The following JPH2 variants were observed in gnomAD, a reference collection of about 807,000 sequenced individuals.
The protein encoded by JPH2 is junctophilin 2.
JPH2 carries 38 observed loss-of-function variants against 55.9 expected under a neutral mutation model. That is an observed-to-expected ratio of 0.68 (90% CI 0.52 to 0.89). JPH2 has a LOEUF of 0.89. Ranked by LOEUF, JPH2 falls within the 40% of genes least tolerant of loss-of-function variation. The probability of loss-of-function intolerance (pLI) is 0.00; values close to 1 mark genes in which losing one functional copy is unlikely to be tolerated. For synonymous variants in JPH2, 480 were observed against 472.4 expected (o/e 1.02, Z -0.21); for missense variants, 964 against 1,037.6 (o/e 0.93, Z 0.97).
chr20:44,160,418 G>T lies in JPH2; in HGVS notation c.380-11C>A. The T allele has an allele frequency of 6.2e-7, 1 of 1,607,994 alleles. No homozygotes were observed. ...GGCCTTGGTACGTCCCTGCGGGCGAGGAGAGGGCGCGTCAGTAGGCGGCAC... is the reference window on the plus strand; with the variant it reads ...GGCCTTGGTACGTCCCTGCGGGCGATGAGAGGGCGCGTCAGTAGGCGGCAC... On this transcript the variant is annotated splice_polypyrimidine_tract_variant and intron_variant, in intron 1 of 5. Coordinates refer to ENST00000372980, the MANE Select transcript of JPH2 (RefSeq NM_020433.5). The surrounding 1 kb of genome is among the most constrained non-coding windows in gnomAD (Gnocchi z 4.9).
chr20:44,110,788 T>C lies in JPH2; in HGVS notation c.*2730A>G, dbSNP rs2072136443. ...ATTTGAGCCTCACAACTGCATTGCC[T>C]ATGAGGAAGACCATGGGGCAGGGAT... On this transcript the variant is annotated 3_prime_UTR_variant, in exon 6 of 6. Transcript: ENST00000372980. Among the ~76,000 whole-genome samples the C allele has an allele frequency of 6.6e-6, 1 of 152,098 alleles. No individual in the cohort carries two copies. The highest frequency in any genetic ancestry group is 2.1e-4 in the South Asian group (1 of 4,826).
Position 44,109,221 on chromosome 20 carries a change from C to T in JPH2, c.*4297G>A, listed in dbSNP as rs572438582. ...ATACCTTGAACCAATCACTCCATCT[C>T]CCCAAGGCTCAATTTTCCTCATCTG... On this transcript the variant is annotated 3_prime_UTR_variant, in exon 6 of 6. Transcript: ENST00000372980. Among the ~76,000 whole-genome samples, 2 of 152,322 alleles carry T rather than the reference C, an allele frequency of 1.3e-5. No homozygotes were observed. The highest frequency in any genetic ancestry group is 6.5e-5 in the Admixed American group (1 of 15,300).
chr20:44,125,781 A>T (rs2072270963), intron 2 of JPH2, among the ~76,000 whole-genome samples: 2 of 152,092 alleles, frequency 1.3e-5, no homozygotes, highest in Admixed American at 1.3e-4. Context: ...CATCACCTTA[A>T]GCCCAGTCTC....
intron 1 of JPH2, among the ~76,000 whole-genome samples, chr20:44,169,216 G>T (rs1000317475): frequency 2.1e-5 from 3 of 143,436 alleles, no homozygotes; most frequent in South Asian, 4.4e-4. Flanking sequence ...TTTCTCTGTT[G>T]CCCAGGCTGG....
rs908217758 is a variant in JPH2, at chr20:44,116,072, G to A, written c.1603C>T (p.Pro535Ser). Residue 535 changes from proline (P) to serine (S), a missense_variant, in exon 4 of 6, where the codon CCC (proline) becomes TCC (serine). Physicochemically the swap from Pro to Ser is moderately conservative, Grantham distance 74 (BLOSUM62 -1). Transcript: ENST00000372980. ...ATGCGCTCGGTGGCTGGACGCGCGG[G>A]GCTGCGGCGGCCCGCGCCCTCGGAC... ...TPSEGAGRRS[P>S]ARPATERMAI... 1 of 1,535,752 alleles carries A rather than the reference G, an allele frequency of 6.5e-7. No individual in the cohort carries two copies. Among genetic ancestry groups the A allele is most frequent in the Non-Finnish European group, 8.7e-7 (1 of 1,152,150 alleles).
intron 2 of JPH2, among the ~76,000 whole-genome samples, chr20:44,137,188 G>A (rs1390798137): frequency 6.6e-6 from 1 of 152,168 alleles, no homozygotes; most frequent in Non-Finnish European, 1.5e-5. Context: ...TCCCACCCTG[G>A]GGCTCGCCTG....
chr20:44,119,360 C>T (rs533625645), intron 2 of JPH2, among the ~76,000 whole-genome samples: 1 of 152,260 alleles, frequency 6.6e-6, no homozygotes, highest in Admixed American at 6.5e-5. Context: ...GGTTTATTGC[C>T]TATTTCCATA....
intron 1 of JPH2, among the ~76,000 whole-genome samples, chr20:44,179,380 T>C (rs188470531): frequency 9.2e-5 from 14 of 152,354 alleles, no homozygotes; most frequent in Non-Finnish European, 1.8e-4. Flanking sequence ...ACATATCTTA[T>C]AGTGGGATTG....
chr20:44,119,493 G>A (rs1011546027), intron 2 of JPH2, among the ~76,000 whole-genome samples: 4 of 152,114 alleles, frequency 2.6e-5, no homozygotes, highest in Admixed American at 6.6e-5. Context: ...GCCTACCCCC[G>A]GCTGATGTGA....
At chr20:44,180,224 A>G (rs1244980423) in intron 1 of JPH2, among the ~76,000 whole-genome samples, 1 of 152,240 alleles carries the variant, frequency 6.6e-6, no homozygotes, top group Non-Finnish European at 1.5e-5. Context: ...GTCTCAAAAA[A>G]TAAATAAATA....
chr20:44,131,080 C>T (rs1222669222), intron 2 of JPH2, among the ~76,000 whole-genome samples: 1 of 152,190 alleles, frequency 6.6e-6, no homozygotes, highest in African/African-American at 2.4e-5. Context: ...TATTCCCATC[C>T]TAGCGTAATC....
intron 2 of JPH2, among the ~76,000 whole-genome samples, chr20:44,135,137 G>A (rs545023383): frequency 7.1e-4 from 107 of 151,292 alleles, no homozygotes; most frequent in African/African-American, 2.5e-3. Flanking sequence ...TGCTAACCCC[G>A]GATGTAAACG....
chr20:44,129,621 A>G lies in JPH2; in HGVS notation c.1170-10998T>C, dbSNP rs374450222. On this transcript the variant is annotated intron_variant, in intron 2 of 5. Coordinates refer to ENST00000372980, the MANE Select transcript of JPH2 (RefSeq NM_020433.5). ...CCTGAGAGCTAACTATGCGCCAGAC[A>G]CTCAGCCAAAGGCATCAATGAATAA... is the stretch of plus-strand genomic sequence containing the variant. Among the ~76,000 whole-genome samples, 58 of 151,816 alleles carry G rather than the reference A, an allele frequency of 3.8e-4. 1 individual carries two copies. In the South Asian group the frequency reaches 8.5e-3, roughly 22 times the overall value.
chr20:44,118,401 G>A, intron 3 of JPH2, 104 bp downstream of exon 3: 1 of 897,490 alleles, frequency 1.1e-6, no homozygotes, highest in Non-Finnish European at 1.8e-6. Context: ...GAGACTCACG[G>A]GCATCCAGGA....
intron 2 of JPH2, among the ~76,000 whole-genome samples, chr20:44,133,526 G>A (rs1470850739): frequency 6.6e-6 from 1 of 152,012 alleles, no homozygotes; most frequent in African/African-American, 2.4e-5. Context: ...GATTCCAAAG[G>A]TTGTGCTAAG....
Position 44,111,017 on chromosome 20 carries a change from T to C in JPH2, c.*2501A>G, listed in dbSNP as rs1285482368. ...ACCACCGGCTGTGAGAGTAACTTCA[T>C]GGGCAGTACTTATTCCTAAAAAGTC... On this transcript the variant is annotated 3_prime_UTR_variant, in exon 6 of 6. Transcript: ENST00000372980. Among the ~76,000 whole-genome samples the C allele has an allele frequency of 6.6e-6, 1 of 152,244 alleles. No homozygotes were observed. The highest frequency in any genetic ancestry group is 1.5e-5 in the Non-Finnish European group (1 of 68,046).
chr20:44,156,415 A>G (rs1307390509), intron 2 of JPH2, among the ~76,000 whole-genome samples: 1 of 152,192 alleles, frequency 6.6e-6, no homozygotes, highest in Non-Finnish European at 1.5e-5. Flanking sequence ...GTTCAGGTTT[A>G]GACAATAAAT....
intron 2 of JPH2, among the ~76,000 whole-genome samples, chr20:44,132,428 C>T (rs2072328231): frequency 6.9e-6 from 1 of 145,770 alleles, no homozygotes; most frequent in Non-Finnish European, 1.5e-5. Flanking sequence ...TTCCTTTGGC[C>T]CCATCTCCCC....
At chr20:44,158,872 G>A (rs1419245491) in intron 2 of JPH2, among the ~76,000 whole-genome samples, 1 of 152,164 alleles carries the variant, frequency 6.6e-6, no homozygotes, top group Non-Finnish European at 1.5e-5. Flanking sequence ...GTGGCTGGAT[G>A]TTAAGATGGG....
Sources: allele counts gnomAD v4.1 joint callset (sites outside exome capture counted in the v4.1 genomes callset), GRCh38; gene constraint gnomAD v4.1.1; non-coding constraint Gnocchi (gnomAD v3.1); transcripts MANE v1.5; gene names NCBI Gene and HGNC (gene_info 2026-07-23, HGNC 2026-07-21).